The following ADGRA3 variants were observed in gnomAD, a reference collection of about 807,000 sequenced individuals.
ADGRA3 encodes the protein G-protein coupled receptor 125.
In ADGRA3, 56 loss-of-function variants were observed where a neutral mutation model predicts 119.8. That is an observed-to-expected ratio of 0.47 (90% confidence interval 0.38 to 0.58). ADGRA3 has a LOEUF of 0.58. Ranked by LOEUF, ADGRA3 falls within the 20% of genes least tolerant of loss-of-function variation. The probability of loss-of-function intolerance (pLI) is 0.00; values close to 1 mark genes in which losing one functional copy is unlikely to be tolerated. For missense variants in ADGRA3, 1,516 were observed against 1,649.0 expected, an observed-to-expected ratio of 0.92 and a Z score of 1.40; for synonymous variants, 607 against 623.8, an observed-to-expected ratio of 0.97 and a Z score of 0.40.
intron 16 of ADGRA3, among the ~76,000 whole-genome samples, chr4:22,398,611 C>T (rs1714470901): frequency 6.6e-6 from 1 of 151,796 alleles, no homozygotes; most frequent in Non-Finnish European, 1.5e-5. Context: ...TTAAAGTGGG[C>T]TGTTTATTTT....
intron 1 of ADGRA3, among the ~76,000 whole-genome samples, chr4:22,487,667 A>C (rs1430622806): frequency 6.6e-6 from 1 of 152,216 alleles, no homozygotes; most frequent in East Asian, 1.9e-4. Context: ...GTCACCAACA[A>C]GAGAGCCACA....
At chr4:22,410,395 A>AT (rs959513324) in intron 14 of ADGRA3, among the ~76,000 whole-genome samples, 4 of 151,518 alleles carry the variant, frequency 2.6e-5, no homozygotes, top group Non-Finnish European at 2.9e-5. Flanking sequence ...TTTCTGCTTA[A>AT]TTTTTTTTTC....
rs1715296401 is a variant in ADGRA3, at chr4:22,413,366, T to C, written c.2048A>G (p.His683Arg). 1 of 1,613,962 alleles carries C rather than the reference T, an allele frequency of 6.2e-7. No homozygotes were observed. The highest frequency in any genetic ancestry group is 1.1e-5 in the South Asian group (1 of 91,078). ...KIDGVNVDTH[H>R]IPVNVTLRRI... is the part of the protein sequence containing the mutation. The stretch of plus-strand genomic sequence containing the variant: ...ACGCAGTGTCACATTAACAGGGATG[T>C]GGTGGGTATCTACATTCACACCATC... Residue 683 changes from histidine (H) to arginine (R), a missense_variant, in exon 14 of 19, where the codon CAC (histidine) becomes CGC (arginine). Coordinates refer to ENST00000334304, the MANE Select transcript of ADGRA3 (RefSeq NM_145290.4).
intron 5 of ADGRA3, among the ~76,000 whole-genome samples, chr4:22,446,464 A>C (rs1482404382): frequency 6.6e-6 from 1 of 152,158 alleles, no homozygotes; most frequent in African/African-American, 2.4e-5. Context: ...TTTCTGCTCA[A>C]AGGTAGTCTT....
At chr4:22,388,968 C>T in intron 18 of ADGRA3, 21 bp from the exon 19 acceptor site, 1 of 1,611,152 alleles carries the variant, frequency 6.2e-7, no homozygotes, top group Non-Finnish European at 8.5e-7. Flanking sequence ...AAATGGTAAA[C>T]CAGATCGATG....
At chr4:22,508,223 A>C (rs182946693) in intron 1 of ADGRA3, among the ~76,000 whole-genome samples, 2 of 152,326 alleles carry the variant, frequency 1.3e-5, no homozygotes, top group East Asian at 3.9e-4. Context: ...GAAGGATCAA[A>C]ATGCCAGAAC....
intron 4 of ADGRA3, among the ~76,000 whole-genome samples, chr4:22,450,945 A>AT (rs1176992561): frequency 1.2e-4 from 16 of 138,042 alleles, no homozygotes; most frequent in Middle Eastern, 3.8e-3. Context: ...AGAAAAAAAA[A>AT]AAAAAAATAT....
At chr4:22,430,847 G>A (rs1320970379) in intron 10 of ADGRA3, among the ~76,000 whole-genome samples, 2 of 152,294 alleles carry the variant, frequency 1.3e-5, no homozygotes, top group East Asian at 3.9e-4. Flanking sequence ...GGGTCCATGT[G>A]CTGTGTGCAG....
chr4:22,497,004 C>A (rs908113277), intron 1 of ADGRA3, among the ~76,000 whole-genome samples: 1 of 152,228 alleles, frequency 6.6e-6, no homozygotes, highest in African/African-American at 2.4e-5. Flanking sequence ...ACTGGTTCTA[C>A]CGCAGAAACC....
At chr4:22,423,661 A>T (rs1715807712) in intron 11 of ADGRA3, among the ~76,000 whole-genome samples, 1 of 152,198 alleles carries the variant, frequency 6.6e-6, no homozygotes, top group Non-Finnish European at 1.5e-5. Flanking sequence ...GATTGACTGA[A>T]AATGCCAATA....
chr4:22,401,538 G>T lies in ADGRA3; in HGVS notation c.2374C>A (p.Leu792Ile). The change falls in exon 16 of 19, where the codon CTC becomes ATC. Residue 792 changes from leucine (L) to isoleucine (I), a missense_variant. Coordinates refer to ENST00000334304, the MANE Select transcript of ADGRA3 (RefSeq NM_145290.4). Reference protein sequence around the residue: ...IYHHSLIRISLKSWHMLVNLC... With the variant: ...IYHHSLIRISIKSWHMLVNLC... ...TTCACAAGCATGTGCCAGCTCTTGA[G>T]GCTGATTCTAATCAAACTGTTTAAA... is the stretch of plus-strand genomic sequence containing the variant. 6.2e-7 allele frequency: 1 copy of T among 1,604,776 alleles called. No homozygotes were observed. Among genetic ancestry groups the T allele is most frequent in the Non-Finnish European group, 8.5e-7 (1 of 1,174,518 alleles).
chr4:22,388,883 CA>C lies in ADGRA3; in HGVS notation c.2787del (p.Phe929LeufsTer2). 1 of 1,613,972 alleles carries C rather than the reference CA, an allele frequency of 6.2e-7. No individual in the cohort carries two copies. Among genetic ancestry groups the C allele is most frequent in the East Asian group, 2.2e-5 (1 of 44,866 alleles). On this transcript the variant is annotated frameshift_variant, in exon 19 of 19. Transcript: ENST00000334304. LOFTEE classifies it high-confidence loss of function. Reference sequence around the variant, plus strand: ...ATGCTCAGAAAGTACATGCAGTTTACAAAAGTGATGAAGCTGGCTGGCCCAT... The same window carrying C: ...ATGCTCAGAAAGTACATGCAGTTTACAAAGTGATGAAGCTGGCTGGCCCAT... ...AFYGPASFIT[F>X]VNCMYFLSIF...
chr4:22,403,009 C>T (rs1714736495), intron 14 of ADGRA3, among the ~76,000 whole-genome samples: 1 of 152,152 alleles, frequency 6.6e-6, no homozygotes, highest in African/African-American at 2.4e-5. Flanking sequence ...GGCATACCCT[C>T]ATTTTACACT....
chr4:22,495,902 C>G (rs1718805428), intron 1 of ADGRA3, among the ~76,000 whole-genome samples: 1 of 150,734 alleles, frequency 6.6e-6, no homozygotes, highest in Non-Finnish European at 1.5e-5. Flanking sequence ...GAGCAAGACT[C>G]CGTCTCAAAA....
intron 2 of ADGRA3, among the ~76,000 whole-genome samples, chr4:22,469,248 T>C (rs1036094530): frequency 5.3e-5 from 8 of 152,186 alleles, no homozygotes; most frequent in Non-Finnish European, 8.8e-5. Flanking sequence ...TTTTGCTCCA[T>C]GGCACTTACC....
At chr4:22,417,383 C>G (rs1158744391) in intron 12 of ADGRA3, among the ~76,000 whole-genome samples, 2 of 152,164 alleles carry the variant, frequency 1.3e-5, no homozygotes, top group Non-Finnish European at 2.9e-5. Context: ...GAGATAACAA[C>G]AGCAACAAAA....
chr4:22,463,906 A>G (rs1192405325), intron 2 of ADGRA3, among the ~76,000 whole-genome samples: 1 of 152,186 alleles, frequency 6.6e-6, no homozygotes, highest in African/African-American at 2.4e-5. Context: ...AGACTGGACT[A>G]GAAATTCTCA....
At chr4:22,484,716 A>C (rs1718374581) in intron 1 of ADGRA3, among the ~76,000 whole-genome samples, 1 of 152,162 alleles carries the variant, frequency 6.6e-6, no homozygotes, top group African/African-American at 2.4e-5. Context: ...GGTGCTAAGG[A>C]AGTGGCATTT....
At chr4:22,420,153 T>C (rs1560307310) in intron 12 of ADGRA3, 1 of 152,308 alleles carries the variant, frequency 6.6e-6, no homozygotes, top group Non-Finnish European at 1.5e-5. Context: ...TGTGATATTA[T>C]TGAGGGACAA....
Sources: gnomAD v4.1 joint callset for allele counts (sites outside exome capture counted in the v4.1 genomes callset) on GRCh38, gnomAD v4.1.1 for gene constraint, MANE v1.5 for transcripts, NCBI Gene and HGNC (gene_info 2026-07-23, HGNC 2026-07-21) for gene names.